SGCD: variants seen among roughly 807,000 people sequenced by gnomAD.
SGCD encodes delta-sarcoglycan.
In SGCD, 18 loss-of-function variants were observed where a neutral mutation model predicts 36.6. The observed-to-expected ratio is 0.49, with a 90% confidence interval of 0.34 to 0.73. SGCD has a LOEUF of 0.73. Among genes scored for constraint, SGCD ranks in the 30% least tolerant of loss-of-function variants. The pLI, the probability that SGCD is intolerant of heterozygous loss-of-function variation, is 0.01. For synonymous variants in SGCD, 133 were observed against 130.6 expected (o/e 1.02, Z -0.12); for missense variants, 387 against 346.7 (o/e 1.12, Z -0.92).
chr5:156,727,293 T>C (rs1179765865), intron 7 of SGCD, among the ~76,000 whole-genome samples: 1 of 152,152 alleles, frequency 6.6e-6, no homozygotes, highest in Non-Finnish European at 1.5e-5. Flanking sequence ...TGGTGGAGGA[T>C]GAGGAACTCA....
the SGCD span, among the ~76,000 whole-genome samples, chr5:155,733,591 A>G: frequency 6.6e-6 from 1 of 152,064 alleles, no homozygotes; most frequent in Non-Finnish European, 1.5e-5. Flanking sequence ...CAAACCAAGG[A>G]ATACCTTATA....
chr5:155,871,847 G>C (rs1755662996), intron 1 of SGCD, among the ~76,000 whole-genome samples: 1 of 152,172 alleles, frequency 6.6e-6, no homozygotes, highest in African/African-American at 2.4e-5. Context: ...CCAACAGGTG[G>C]CAACCATCCA....
chr5:155,876,728 G>A (rs958104338), intron 1 of SGCD, among the ~76,000 whole-genome samples: 1 of 151,972 alleles, frequency 6.6e-6, no homozygotes, highest in Non-Finnish European at 1.5e-5. Context: ...GCATTAAAAT[G>A]GCATTTCGTT....
At chr5:156,398,089 C>T (rs1210454150) in intron 3 of SGCD, among the ~76,000 whole-genome samples, 2 of 152,244 alleles carry the variant, frequency 1.3e-5, no homozygotes, top group Non-Finnish European at 2.9e-5. Flanking sequence ...GAAGTTCCCT[C>T]ATTGGTTATT....
chr5:156,736,612 G>A (rs1422922458), intron 7 of SGCD, among the ~76,000 whole-genome samples: 2 of 152,132 alleles, frequency 1.3e-5, no homozygotes, highest in Admixed American at 6.5e-5. Context: ...TTTGAAGCCA[G>A]ATAGTCCTGG....
chr5:156,289,424 G>A lies in SGCD; in HGVS notation c.-43-40110G>A, dbSNP rs189970078. ...ACCCATCACCTGGGTATTAAGCCCC[G>A]TATGCATTAGCTATTTATACTGGGC... is the stretch of plus-strand genomic sequence containing the variant. On this transcript the variant is annotated intron_variant, in intron 3 of 9. Coordinates refer to the SGCD transcript ENST00000517913. Among the ~76,000 whole-genome samples the A allele has an allele frequency of 4.2e-3, 635 of 151,806 alleles. 5 individuals carry two copies. Among genetic ancestry groups the A allele is most frequent in the African/African-American group, 0.015 (612 of 41,404 alleles).
At chr5:155,930,096 C>T (rs192199858) in intron 1 of SGCD, among the ~76,000 whole-genome samples, 1 of 152,276 alleles carries the variant, frequency 6.6e-6, no homozygotes, top group Non-Finnish European at 1.5e-5. Flanking sequence ...TATGTCTTCC[C>T]TATGCCCTTT....
chr5:156,081,647 C>T (rs1207788843), intron 1 of SGCD, among the ~76,000 whole-genome samples: 2 of 152,100 alleles, frequency 1.3e-5, no homozygotes, highest in Non-Finnish European at 2.9e-5. Context: ...CCTGCCTTAG[C>T]CCCCACAAAG....
chr5:156,134,295 C>A (rs1762400585), intron 3 of SGCD, among the ~76,000 whole-genome samples: 1 of 152,134 alleles, frequency 6.6e-6, no homozygotes, highest in Admixed American at 6.5e-5. Context: ...ATCAAAGTGG[C>A]ATAAATGTGA....
chr5:156,185,319 A>G (rs190340596), intron 3 of SGCD, among the ~76,000 whole-genome samples: 1 of 146,728 alleles, frequency 6.8e-6, no homozygotes, highest in African/African-American at 2.5e-5. Context: ...GGTTCACACC[A>G]TTCTCCTGTC....
chr5:155,734,644 G>T, the SGCD span, among the ~76,000 whole-genome samples: 1 of 152,148 alleles, frequency 6.6e-6, no homozygotes, highest in South Asian at 2.1e-4. Flanking sequence ...ACACATTCTG[G>T]TTTGTATTTT....
the SGCD span, among the ~76,000 whole-genome samples, chr5:155,759,958 C>T: frequency 8.5e-5 from 13 of 152,292 alleles, no homozygotes; most frequent in East Asian, 1.4e-3. Flanking sequence ...ACATTTCATC[C>T]GGTTAGCTTA....
chr5:156,482,166 T>G (rs1755459665), intron 3 of SGCD, among the ~76,000 whole-genome samples: 2 of 152,272 alleles, frequency 1.3e-5, no homozygotes, highest in African/African-American at 4.8e-5. Flanking sequence ...AGGTGTTGGA[T>G]TCTAGTGCTA....
chr5:155,996,863 G>A (rs866240168), intron 1 of SGCD, among the ~76,000 whole-genome samples: 4 of 133,358 alleles, frequency 3.0e-5, no homozygotes, highest in Non-Finnish European at 6.7e-5. Flanking sequence ...CTGGATGGAT[G>A]GATAGATAGA....
intron 3 of SGCD, among the ~76,000 whole-genome samples, chr5:156,207,913 G>T (rs555175567): frequency 2.0e-5 from 3 of 152,082 alleles, no homozygotes; most frequent in South Asian, 4.1e-4. Context: ...AGAATTGACT[G>T]GTATGTTTAC....
chr5:156,418,394 A>C (rs1351992787), intron 3 of SGCD, among the ~76,000 whole-genome samples: 2 of 152,182 alleles, frequency 1.3e-5, no homozygotes, highest in African/African-American at 4.8e-5. Flanking sequence ...ACATGGTCCC[A>C]GGTGGCTCCA....
At position 156,542,937 on chromosome 5, in the gene SGCD, A is replaced by C. The variant is rs1022092971; in HGVS notation, c.294+34235A>C. ...CTTTTGAGATCAGAACCTGCAGACT[A>C]TGTAATCTATGTATGTGAATTCAGG... On this transcript the variant is annotated intron_variant, in intron 4 of 8. Coordinates refer to ENST00000337851, the MANE Select transcript of SGCD (RefSeq NM_000337.6). Among the ~76,000 whole-genome samples the C allele has an allele frequency of 6.6e-5, 10 of 152,314 alleles. No individual in the cohort carries two copies. The South Asian group carries it at 2.1e-3, about 32-fold the overall frequency.
the SGCD span, among the ~76,000 whole-genome samples, chr5:155,796,425 A>C: frequency 6.6e-6 from 1 of 152,194 alleles, no homozygotes; most frequent in East Asian, 1.9e-4. Flanking sequence ...ATGAGTTATC[A>C]AAACTTGTGG....
At position 156,654,023 on chromosome 5, in the gene SGCD, G is replaced by A. The variant is rs201857135; in HGVS notation, c.575+6487G>A. Among the ~76,000 whole-genome samples the A allele has an allele frequency of 4.6e-5, 7 of 152,082 alleles. No individual in the cohort carries two copies. In the East Asian group the frequency reaches 1.4e-3, roughly 29 times the overall value. On this transcript the variant is annotated intron_variant, in intron 7 of 8. Transcript: ENST00000337851. ...GCGCCTAATGCCAACCCACTGTAGGGGCCAAGGGAAAGCTTCCCTTTCACT... is the reference window on the plus strand; with the variant it reads ...GCGCCTAATGCCAACCCACTGTAGGAGCCAAGGGAAAGCTTCCCTTTCACT...
Sources: allele counts gnomAD v4.1 joint callset (sites outside exome capture counted in the v4.1 genomes callset), GRCh38; gene constraint gnomAD v4.1.1; transcripts MANE v1.5; gene names NCBI Gene and HGNC (gene_info 2026-07-23, HGNC 2026-07-21).